Variants in DIAPH2 observed in about 807,000 individuals in gnomAD.
DIAPH2 encodes the protein diaphanous related formin 2, also known as protein diaphanous homolog 2.
In DIAPH2, 35 loss-of-function variants were observed where a neutral mutation model predicts 92.7. The observed-to-expected ratio is 0.38, with a 90% confidence interval of 0.29 to 0.50. DIAPH2 has a LOEUF of 0.50. Among genes scored for constraint, DIAPH2 ranks in the 20% least tolerant of loss-of-function variants. DIAPH2 has a pLI of 0.94. For synonymous variants in DIAPH2, 301 were observed against 280.4 expected (o/e 1.07, Z -0.73); for missense variants, 701 against 819.5 (o/e 0.86, Z 1.77).
At chrX:96,695,147 T>C (rs947353486) in intron 1 of DIAPH2, among the ~76,000 whole-genome samples, 14 of 111,461 alleles carry the variant, frequency 1.3e-4, no homozygotes, top group Non-Finnish European at 2.1e-4. Context: ...GACAGGGTTT[T>C]GCCATTTTGG....
At chrX:97,089,373 T>C (rs1355628177) in intron 19 of DIAPH2, among the ~76,000 whole-genome samples, 1 of 111,366 alleles carries the variant, frequency 9.0e-6, no homozygotes. Flanking sequence ...AGGTTAAATG[T>C]CATCAAGAGG....
At chrX:97,329,915 C>T (rs1343360825) in intron 23 of DIAPH2, among the ~76,000 whole-genome samples, 2 of 105,277 alleles carry the variant, frequency 1.9e-5, no homozygotes, top group African/African-American at 6.9e-5. Context: ...CACACACACA[C>T]ACACACACAC....
intron 4 of DIAPH2, among the ~76,000 whole-genome samples, chrX:96,842,553 G>A (rs1007777623): frequency 8.9e-6 from 1 of 112,219 alleles, no homozygotes; most frequent in Non-Finnish European, 1.9e-5. Context: ...TCCATAGGAG[G>A]AGGAAAATGC....
intron 4 of DIAPH2, among the ~76,000 whole-genome samples, chrX:96,857,366 A>G (rs1351490491): frequency 1.8e-5 from 2 of 112,014 alleles, no homozygotes; most frequent in Non-Finnish European, 1.9e-5. Flanking sequence ...CTCAGGACTA[A>G]TAGTTGCTTA....
chrX:97,238,443 C>A (rs992591207), intron 22 of DIAPH2, among the ~76,000 whole-genome samples: 1 of 111,840 alleles, frequency 8.9e-6, no homozygotes, highest in African/African-American at 3.2e-5. Context: ...ACTGCACTTT[C>A]TTCCCAAGGG....
At chrX:97,251,111 G>A (rs1158028610) in intron 23 of DIAPH2, among the ~76,000 whole-genome samples, 1 of 111,587 alleles carries the variant, frequency 9.0e-6, no homozygotes, top group African/African-American at 3.3e-5. Flanking sequence ...GTATAGGAGA[G>A]AAAAATCAGT....
At chrX:97,249,919 GA>G (rs1291923630) in intron 23 of DIAPH2, among the ~76,000 whole-genome samples, 2 of 110,662 alleles carry the variant, frequency 1.8e-5, no homozygotes, top group Non-Finnish European at 3.8e-5. Context: ...TCAACATGGA[GA>G]AACCCCGTCT....
intron 9 of DIAPH2, among the ~76,000 whole-genome samples, chrX:96,920,115 A>G (rs1438436324): frequency 9.0e-6 from 1 of 110,789 alleles, no homozygotes; most frequent in African/African-American, 3.3e-5. Flanking sequence ...TTCTGACCTC[A>G]GGTCATCCGC....
chrX:97,056,599 C>G (rs1164640186), intron 17 of DIAPH2, among the ~76,000 whole-genome samples: 1 of 111,637 alleles, frequency 9.0e-6, no homozygotes. Context: ...TTTTGTTAAA[C>G]CAAATTTTTC....
At position 96,927,739 on chromosome X, in the gene DIAPH2, G is replaced by A. The variant is rs1056899264; in HGVS notation, c.979-2994G>A. ...CACATGCATATACATGCTGAGTGTG[G>A]AGTGGGGTGGCAGAAGTAAAGGAGA... On this transcript the variant is annotated intron_variant, in intron 9 of 26. Coordinates refer to ENST00000324765, the MANE Select transcript of DIAPH2 (RefSeq NM_006729.5). 2.1e-4 allele frequency among the ~76,000 whole-genome samples: 23 copies of A among 111,335 alleles called. 1 individual carries two copies. The highest frequency in any genetic ancestry group is 2.0e-3 in the Admixed American group (21 of 10,446).
intron 1 of DIAPH2, among the ~76,000 whole-genome samples, chrX:96,713,188 C>A (rs2063929316): frequency 9.0e-6 from 1 of 111,629 alleles, no homozygotes. Flanking sequence ...TTCTTGTGTA[C>A]CTTTGTTCCT....
chrX:97,417,971 A>G (rs1043770056), intron 25 of DIAPH2, among the ~76,000 whole-genome samples: 9 of 111,873 alleles, frequency 8.0e-5, no homozygotes, highest in African/African-American at 2.9e-4. Context: ...CCAGGATACC[A>G]TGACAATTAA....
intron 22 of DIAPH2, among the ~76,000 whole-genome samples, chrX:97,229,606 G>A (rs761275895): frequency 9.1e-6 from 1 of 110,189 alleles, no homozygotes; most frequent in African/African-American, 3.3e-5. Context: ...ATCAGAAACA[G>A]ATCTGGTTTC....
intron 17 of DIAPH2, among the ~76,000 whole-genome samples, chrX:96,996,202 G>A (rs909786393): frequency 8.9e-6 from 1 of 111,803 alleles, no homozygotes. Flanking sequence ...TGGTTGGTTG[G>A]AAATGTGGAA....
At chrX:97,120,441 G>T (rs967600991) in intron 21 of DIAPH2, among the ~76,000 whole-genome samples, 1 of 109,628 alleles carries the variant, frequency 9.1e-6, no homozygotes, top group East Asian at 2.9e-4. Flanking sequence ...GGGTCCTCTC[G>T]GGATTCCTGG....
intron 4 of DIAPH2, among the ~76,000 whole-genome samples, chrX:96,790,712 G>A (rs754192672): frequency 5.4e-5 from 6 of 111,293 alleles, no homozygotes; most frequent in East Asian, 5.6e-4. Context: ...TTAATTGTAC[G>A]TTTTGAAAAT....
intron 19 of DIAPH2, among the ~76,000 whole-genome samples, chrX:97,079,966 A>G (rs2066730168): frequency 9.0e-6 from 1 of 111,654 alleles, no homozygotes; most frequent in Non-Finnish European, 1.9e-5. Flanking sequence ...TCTACACTAT[A>G]TACCAGACAC....
chrX:96,787,525 C>G (rs980960552), intron 4 of DIAPH2, among the ~76,000 whole-genome samples: 1 of 109,864 alleles, frequency 9.1e-6, no homozygotes, highest in Admixed American at 9.7e-5. Context: ...GGCTTCTTTT[C>G]AATATAATGC....
chrX:96,989,619 C>T (rs765676839), intron 17 of DIAPH2, among the ~76,000 whole-genome samples: 1 of 111,851 alleles, frequency 8.9e-6, no homozygotes, highest in East Asian at 2.8e-4. Context: ...TGTAGCTTCT[C>T]TGTATGATAA....
Sources: allele counts gnomAD v4.1 joint callset (sites outside exome capture counted in the v4.1 genomes callset), GRCh38; gene constraint gnomAD v4.1.1; transcripts MANE v1.5; gene names NCBI Gene and HGNC (gene_info 2026-07-23, HGNC 2026-07-21).